Variants in ANKRD16 observed in about 807,000 individuals in gnomAD.
The protein encoded by ANKRD16 is ankyrin repeat domain-containing protein 16.
ANKRD16 carries 35 observed loss-of-function variants against 37.9 expected under a neutral mutation model. The ratio of observed to expected loss-of-function variants is 0.92; its 90% confidence interval spans 0.71 to 1.23. The LOEUF is 1.23. Among genes scored for constraint, ANKRD16 ranks in the 50% most tolerant of loss-of-function variants. The pLI is 0.00. For synonymous variants in ANKRD16, 206 were observed against 197.2 expected, an observed-to-expected ratio of 1.04 and a Z score of -0.37; for missense variants, 480 against 469.9, an observed-to-expected ratio of 1.02 and a Z score of -0.20.
chr10:5,887,637 G>A (rs1842450523), intron 2 of ANKRD16, among the ~76,000 whole-genome samples: 1 of 151,846 alleles, frequency 6.6e-6, no homozygotes, highest in Non-Finnish European at 1.5e-5. Context: ...ACCCGCCTCC[G>A]GCCTCCCAAA....
rs987038348 is a variant in ANKRD16, at chr10:5,868,134, G to A, written c.*34-5443C>T. On this transcript the variant is annotated intron_variant, in intron 7 of 7. Transcript: ENST00000380094. This position sits in a 1 kb window ranked among gnomAD's most constrained non-coding sequence, Gnocchi z 4.9. ...TTGCTATTACTCACCTTTGGGCCCTGTATTTTTAACCTCTTTGTCAAATTT... is the reference window on the plus strand; with the variant it reads ...TTGCTATTACTCACCTTTGGGCCCTATATTTTTAACCTCTTTGTCAAATTT... Among the ~76,000 whole-genome samples the A allele has an allele frequency of 6.6e-6, 1 of 152,164 alleles. No individual in the cohort carries two copies. Among genetic ancestry groups the A allele is most frequent in the African/African-American group, 2.4e-5 (1 of 41,436 alleles).
chr10:5,884,291 C>T (rs1234312171), intron 3 of ANKRD16, among the ~76,000 whole-genome samples: 1 of 152,254 alleles, frequency 6.6e-6, no homozygotes, highest in Non-Finnish European at 1.5e-5. Flanking sequence ...CTCCTCTAAC[C>T]TTCTCCATCC....
In ANKRD16 at chr10:5,878,540, C is replaced by T. The variant is rs1257052420; in HGVS notation, c.929-253G>A. On this transcript the variant is annotated intron_variant, in intron 6 of 7. Coordinates refer to ENST00000380094, the MANE Select transcript of ANKRD16 (RefSeq NM_019046.3). The surrounding 1 kb of genome is among the most constrained non-coding windows in gnomAD (Gnocchi z 5.1). ...CTAGGCTGGGCGTGGTGGCTCATGC[C>T]TGTAATCCCAGCACTCTGGGAGGCT... Among the ~76,000 whole-genome samples the T allele has an allele frequency of 1.3e-5, 2 of 152,096 alleles. No individual in the cohort carries two copies. The highest frequency in any genetic ancestry group is 2.4e-5 in the African/African-American group (1 of 41,412).
intron 5 of ANKRD16, among the ~76,000 whole-genome samples, chr10:5,881,778 C>T (rs1842321453): frequency 6.6e-6 from 1 of 151,300 alleles, no homozygotes; most frequent in Non-Finnish European, 1.5e-5. Flanking sequence ...AGCTCCTCCT[C>T]CCAGGTTCAC....
In ANKRD16 at chr10:5,864,256, C is replaced by T. The variant is rs1332063696; in HGVS notation, c.*34-1565G>A. 1.3e-5 allele frequency among the ~76,000 whole-genome samples: 2 copies of T among 152,006 alleles called. No homozygotes were observed. Among genetic ancestry groups the T allele is most frequent in the African/African-American group, 4.8e-5 (2 of 41,336 alleles). On this transcript the variant is annotated intron_variant, in intron 7 of 7. Coordinates refer to ENST00000380094, the MANE Select transcript of ANKRD16 (RefSeq NM_019046.3). This position sits in a 1 kb window ranked among gnomAD's most constrained non-coding sequence, Gnocchi z 4.4. The stretch of plus-strand genomic sequence containing the variant: ...CCCAGATCCTAGCCTCCCTATAGCC[C>T]CTTCCTATTAATGATAAGCCTCCTC...
Position 5,884,038 on chromosome 10 carries a change from G to A in ANKRD16, c.618C>T (p.Val206=), listed in dbSNP as rs201932053. The A allele has an allele frequency of 1.4e-4, 219 of 1,614,060 alleles. 1 individual carries two copies. The highest frequency in any genetic ancestry group is 3.2e-4 in the Admixed American group (19 of 60,014). ...ACTGGATTGCGTCCATCAAGGCGGT[G>A]ACGCCACAGTTGTCTCTGTAGTCTG... is the stretch of plus-strand genomic sequence containing the variant. The part of the protein sequence containing the change: ...YEPDYRDNCG[V]TALMDAIQCG... Residue 206 remains valine (V), a synonymous_variant, in exon 4 of 8, where the codon GTC becomes GTT. Coordinates refer to ENST00000380094, the MANE Select transcript of ANKRD16 (RefSeq NM_019046.3).
chr10:5,889,319 C>T lies in ANKRD16; in HGVS notation c.36G>A (p.Arg12=), dbSNP rs745343107. 1 of 1,274,774 alleles carries T rather than the reference C, an allele frequency of 7.8e-7. No individual in the cohort carries two copies. Among genetic ancestry groups the T allele is most frequent in the Non-Finnish European group, 9.9e-7 (1 of 1,014,004 alleles). 79.0% of individuals were successfully genotyped at this position (1,274,774 alleles called of 1,614,324 possible). A position where few individuals can be genotyped will look rare whatever the true frequency, so the allele number is the denominator to read the frequency against. The part of the protein sequence containing the change: ...AQPGDPRRLC[R]LVQEGRLRAL... The stretch of plus-strand genomic sequence containing the variant: ...CGCGCAGCCGGCCCTCCTGCACCAG[C>T]CTGCAGAGGCGCCGCGGGTCCCCGG... Residue 12 remains arginine, a synonymous_variant, in exon 1 of 8, where the codon AGG becomes AGA. Transcript: ENST00000380094.
chr10:5,867,381 CAG>C (rs1432332016), intron 7 of ANKRD16, among the ~76,000 whole-genome samples: 3 of 152,216 alleles, frequency 2.0e-5, no homozygotes, highest in African/African-American at 7.2e-5. Flanking sequence ...CTTGAAGAAA[CAG>C]AGTTAGGAAA....
chr10:5,889,249 C>T lies in ANKRD16; in HGVS notation c.106G>A (p.Ala36Thr), dbSNP rs762144435. The change falls in exon 1 of 8, where the codon GCC (alanine) becomes ACC (threonine). Residue 36 changes from alanine (A) to threonine (T), a missense_variant. Coordinates refer to ENST00000380094, the MANE Select transcript of ANKRD16 (RefSeq NM_019046.3). ...GCGCAGTGCAGGAGGGTATCCCCGG[C>T]CGGCCCCGGGCAGCCCCCGGCCGCC... is the stretch of plus-strand genomic sequence containing the variant. ...LQAAGGCPGP[A>T]GDTLLHCAAR... The T allele has an allele frequency of 2.8e-5, 43 of 1,527,002 alleles. No individual in the cohort carries two copies. Among genetic ancestry groups the T allele is most frequent in the Middle Eastern group, 1.9e-4 (1 of 5,164 alleles). The allele number at this position is 1,527,002 out of a possible 1,614,324, so 94.6% of individuals were successfully genotyped here.
At chr10:5,886,227 G>C (rs1842420823) in intron 2 of ANKRD16, among the ~76,000 whole-genome samples, 1 of 152,164 alleles carries the variant, frequency 6.6e-6, no homozygotes, top group Non-Finnish European at 1.5e-5. Flanking sequence ...TTCTCCAGGG[G>C]AGAAACTGGT....
Position 5,870,443 on chromosome 10 carries a change from A to C in ANKRD16, c.*33+7654T>G, listed in dbSNP as rs1842070711. Among the ~76,000 whole-genome samples the C allele has an allele frequency of 6.9e-6, 1 of 144,066 alleles. No homozygotes were observed. Among genetic ancestry groups the C allele is most frequent in the African/African-American group, 2.6e-5 (1 of 38,186 alleles). 94.5% of individuals were successfully genotyped at this position (144,066 alleles called of 152,430 possible). On this transcript the variant is annotated intron_variant, in intron 7 of 7. Coordinates refer to ENST00000380094, the MANE Select transcript of ANKRD16 (RefSeq NM_019046.3). This position sits in a 1 kb window ranked among gnomAD's most constrained non-coding sequence, Gnocchi z 5.0. The stretch of plus-strand genomic sequence containing the variant: ...TTTTGAAACAGGGTTTTGCTCTGTC[A>C]CCCAGGCTGGAATACAAAAGTGCAA...
intron 2 of ANKRD16, among the ~76,000 whole-genome samples, chr10:5,886,459 C>T (rs569127077): frequency 1.4e-4 from 21 of 152,294 alleles, no homozygotes; most frequent in African/African-American, 5.1e-4. Flanking sequence ...GGCATGGTGG[C>T]ATGCGCCAGT....
chr10:5,883,351 T>G (rs1842352342), intron 4 of ANKRD16, among the ~76,000 whole-genome samples, 184 bp from the exon 5 acceptor site: 1 of 152,254 alleles, frequency 6.6e-6, no homozygotes, highest in Non-Finnish European at 1.5e-5. Flanking sequence ...TCTCACTCTG[T>G]TGCTCAGGGT....
rs1433532977 is a variant in ANKRD16, at chr10:5,887,708, C to CCCCCCCCCG, written c.535+138_535+139insCGGGGGGGG. ...GCCCCCGCCCCCACCCCCTCCCCCC[C>CCCCCCCCCG]AGATGTTCTTATTCTCTGCCTTCTG... On this transcript the variant is annotated intron_variant, in intron 2 of 7. Transcript: ENST00000380094. 1.4e-3 allele frequency: 272 copies of CCCCCCCCCG among 194,052 alleles called. No individual in the cohort carries two copies. In the East Asian group the frequency reaches 0.016, roughly 12 times the overall value. 12.0% of individuals were successfully genotyped at this position (194,052 alleles called of 1,614,324 possible).
Position 5,864,302 on chromosome 10 carries a change from G to A in ANKRD16, c.*34-1611C>T, listed in dbSNP as rs1300001846. Among the ~76,000 whole-genome samples the A allele has an allele frequency of 2.0e-5, 3 of 151,910 alleles. No individual in the cohort carries two copies. Among genetic ancestry groups the A allele is most frequent in the Non-Finnish European group, 4.4e-5 (3 of 67,992 alleles). ...TCCTCTAACCTCCCCTGCCCAGAAG[G>A]AAACAAGCAAAGAAATCTCCAAGGG... On this transcript the variant is annotated intron_variant, in intron 7 of 7. Coordinates refer to ENST00000380094, the MANE Select transcript of ANKRD16 (RefSeq NM_019046.3). The surrounding 1 kb of genome is among the most constrained non-coding windows in gnomAD (Gnocchi z 4.4).
rs1287118269 is a variant in ANKRD16 at position 5,883,174 on chromosome 10, G to C, written c.688-7C>G. 6.2e-7 allele frequency: 1 copy of C among 1,612,576 alleles called. No homozygotes were observed. The highest frequency in any genetic ancestry group is 1.3e-5 in the African/African-American group (1 of 74,898). ...CTTCTGCTGAAAGGCAAGCCTAGTGGGCAGAGGAGAGAAAGGAGCAAAGGT... is the reference window on the plus strand; with the variant it reads ...CTTCTGCTGAAAGGCAAGCCTAGTGCGCAGAGGAGAGAAAGGAGCAAAGGT... On this transcript the variant is annotated splice_region_variant and splice_polypyrimidine_tract_variant and intron_variant, in intron 4 of 7. Transcript: ENST00000380094.
At chr10:5,879,858 A>G (rs1653304265) in intron 6 of ANKRD16, among the ~76,000 whole-genome samples, 1 of 152,160 alleles carries the variant, frequency 6.6e-6, no homozygotes, top group Non-Finnish European at 1.5e-5. Context: ...TAGCTGAGCT[A>G]TTAGAAGAAT....
At chr10:5,885,040 G>A (rs1351070070) in intron 3 of ANKRD16, among the ~76,000 whole-genome samples, 1 of 152,196 alleles carries the variant, frequency 6.6e-6, no homozygotes, top group Non-Finnish European at 1.5e-5. Context: ...GATCCTGCAA[G>A]TCCTTGTAAT....
rs1842016613 is a variant in ANKRD16 at position 5,866,571 on chromosome 10, GGAAA to G, written c.*34-3884_*34-3881del. 6.6e-6 allele frequency among the ~76,000 whole-genome samples: 1 copy of G among 152,210 alleles called. No homozygotes were observed. Among genetic ancestry groups the G allele is most frequent in the African/African-American group, 2.4e-5 (1 of 41,444 alleles). On this transcript the variant is annotated intron_variant, in intron 7 of 7. Coordinates refer to ENST00000380094, the MANE Select transcript of ANKRD16 (RefSeq NM_019046.3). This position sits in a 1 kb window ranked among gnomAD's most constrained non-coding sequence, Gnocchi z 4.3. ...ATCCTACATGCCCATGCTGCAATAT[GGAAA>G]GAAAGGGGGTTCCTAACCTCTGGGG...
Sources: gnomAD v4.1 joint callset for allele counts (sites outside exome capture counted in the v4.1 genomes callset) on GRCh38, gnomAD v4.1.1 for gene constraint, Gnocchi (gnomAD v3.1) non-coding constraint, MANE v1.5 for transcripts, NCBI Gene and HGNC (gene_info 2026-07-23, HGNC 2026-07-21) for gene names.